Variants in WDR70 observed in about 807,000 individuals in gnomAD.
The protein encoded by WDR70 is WD repeat-containing protein 70.
WDR70 carries 53 observed loss-of-function variants against 88.6 expected under a neutral mutation model. The observed-to-expected ratio is 0.60, with a 90% CI of 0.48 to 0.75. WDR70 has a LOEUF of 0.75. Ranked by LOEUF, WDR70 falls within the 30% of genes least tolerant of loss-of-function variation. The pLI, the probability that WDR70 is intolerant of heterozygous loss-of-function variation, is 0.00. For synonymous variants in WDR70, 280 were observed against 270.0 expected (o/e 1.04, Z -0.36); for missense variants, 610 against 823.2 (o/e 0.74, Z 3.17).
chr5:37,611,303 G>T, intron 10 of WDR70, among the ~76,000 whole-genome samples: 1 of 150,724 alleles, frequency 6.6e-6, no homozygotes, highest in Admixed American at 6.6e-5. Flanking sequence ...GCTGATAATT[G>T]CATCTTTTTG....
intron 13 of WDR70, among the ~76,000 whole-genome samples, chr5:37,717,668 G>A (rs1747689451): frequency 2.6e-5 from 4 of 152,190 alleles, no homozygotes; most frequent in Non-Finnish European, 5.9e-5. Flanking sequence ...AGCAAAGCCG[G>A]TATGTATGTT....
At chr5:37,575,676 C>T (rs533963389) in intron 9 of WDR70, among the ~76,000 whole-genome samples, 16 of 152,240 alleles carry the variant, frequency 1.1e-4, no homozygotes, top group South Asian at 4.2e-4. Flanking sequence ...CCCTATATAC[C>T]GCTCTTCAAT....
At chr5:37,577,354 T>C (rs1412102854) in intron 9 of WDR70, among the ~76,000 whole-genome samples, 1 of 152,082 alleles carries the variant, frequency 6.6e-6, no homozygotes, top group African/African-American at 2.4e-5. Flanking sequence ...TGGTGGCACA[T>C]GCCTGCAGTC....
chr5:37,646,543 G>A (rs533346216), intron 10 of WDR70, among the ~76,000 whole-genome samples: 1 of 152,174 alleles, frequency 6.6e-6, no homozygotes, highest in African/African-American at 2.4e-5. Flanking sequence ...ATGTAGGACA[G>A]GTCTAGTGTT....
chr5:37,559,195 G>C (rs534145942), intron 9 of WDR70, among the ~76,000 whole-genome samples: 1 of 152,132 alleles, frequency 6.6e-6, no homozygotes, highest in Non-Finnish European at 1.5e-5. Flanking sequence ...GCCTCCCTAA[G>C]TACTGGGATT....
chr5:37,379,451 G>T (rs369130173), intron 1 of WDR70, 38 bp from the exon 2 acceptor site: 1 of 1,613,682 alleles, frequency 6.2e-7, no homozygotes, highest in Non-Finnish European at 8.5e-7. Context: ...CTGGGGCGCC[G>T]CACTAACTAG....
At chr5:37,659,905 G>A (rs1221019428) in intron 10 of WDR70, among the ~76,000 whole-genome samples, 1 of 152,138 alleles carries the variant, frequency 6.6e-6, no homozygotes, top group Non-Finnish European at 1.5e-5. Context: ...TTCAACATAT[G>A]AATTTTGGGT....
chr5:37,543,359 C>G (rs747002781), intron 9 of WDR70, among the ~76,000 whole-genome samples: 1 of 152,070 alleles, frequency 6.6e-6, no homozygotes, highest in African/African-American at 2.4e-5. Flanking sequence ...TATGTAGAAA[C>G]CTGTTTATGA....
At chr5:37,554,320 T>G (rs1162846681) in intron 9 of WDR70, among the ~76,000 whole-genome samples, 1 of 152,068 alleles carries the variant, frequency 6.6e-6, no homozygotes. Context: ...AATATATGTG[T>G]ATGTGCTGGC....
At chr5:37,423,582 T>TA (rs70978814) in intron 5 of WDR70, among the ~76,000 whole-genome samples, 3 of 147,334 alleles carry the variant, frequency 2.0e-5, no homozygotes, top group South Asian at 4.3e-4. Context: ...TTTTTTTTTT[T>TA]AGATGGTGTC....
At chr5:37,425,414 T>C (rs1284571693) in intron 5 of WDR70, among the ~76,000 whole-genome samples, 2 of 152,202 alleles carry the variant, frequency 1.3e-5, no homozygotes, top group Admixed American at 1.3e-4. Flanking sequence ...AAGATGACCT[T>C]TGAGAAGACT....
At chr5:37,596,131 C>T (rs896896166) in intron 9 of WDR70, among the ~76,000 whole-genome samples, 2 of 152,118 alleles carry the variant, frequency 1.3e-5, no homozygotes, top group Non-Finnish European at 2.9e-5. Context: ...AACCCAGTGC[C>T]TGACATAATG....
intron 10 of WDR70, among the ~76,000 whole-genome samples, chr5:37,646,129 TG>T (rs766326786): frequency 3.3e-5 from 5 of 152,116 alleles, no homozygotes; most frequent in Non-Finnish European, 7.4e-5. Flanking sequence ...GTGTATCCAT[TG>T]TATGTTTTTT....
At chr5:37,520,912 T>A (rs1741065760) in intron 9 of WDR70, among the ~76,000 whole-genome samples, 1 of 152,224 alleles carries the variant, frequency 6.6e-6, no homozygotes, top group Non-Finnish European at 1.5e-5. Context: ...AGAGACTTTG[T>A]GCAGTGTCTT....
chr5:37,622,851 C>A (rs562277043), intron 10 of WDR70, among the ~76,000 whole-genome samples: 1 of 152,080 alleles, frequency 6.6e-6, no homozygotes, highest in Non-Finnish European at 1.5e-5. Flanking sequence ...TGTAACTAAC[C>A]TGCACGTTGT....
intron 10 of WDR70, among the ~76,000 whole-genome samples, chr5:37,673,431 C>A (rs371634870): frequency 6.6e-6 from 1 of 151,868 alleles, no homozygotes; most frequent in Admixed American, 6.6e-5. Flanking sequence ...AATGGGATTG[C>A]TGGGTCAAAT....
intron 10 of WDR70, among the ~76,000 whole-genome samples, chr5:37,680,110 C>G (rs911167675): frequency 6.6e-6 from 1 of 151,354 alleles, no homozygotes; most frequent in African/African-American, 2.4e-5. Flanking sequence ...CACATGGTAT[C>G]TCATTGTGGT....
intron 15 of WDR70, 34 bp from the exon 16 acceptor site, chr5:37,724,900 T>TA: frequency 6.3e-7 from 1 of 1,583,194 alleles, no homozygotes; most frequent in South Asian, 1.1e-5. Flanking sequence ...AGGTTATTGT[T>TA]ATAATGAAAT....
At chr5:37,676,588 T>C (rs1746222464) in intron 10 of WDR70, among the ~76,000 whole-genome samples, 1 of 152,040 alleles carries the variant, frequency 6.6e-6, no homozygotes, top group African/African-American at 2.4e-5. Flanking sequence ...TGAAGCCCAC[T>C]TGATCATCGT....
Sources: allele counts gnomAD v4.1 joint callset (sites outside exome capture counted in the v4.1 genomes callset), GRCh38; gene constraint gnomAD v4.1.1; transcripts MANE v1.5; gene names NCBI Gene and HGNC (gene_info 2026-07-23, HGNC 2026-07-21).